The following RFTN1 variants were observed in gnomAD, a reference collection of about 807,000 sequenced individuals.
RFTN1 encodes the protein raftlin.
Under a neutral mutation model 46.5 loss-of-function variants are expected in RFTN1, and 26 were observed. That is an observed-to-expected ratio of 0.56 (90% CI 0.41 to 0.78). RFTN1 has a LOEUF of 0.78. Ranked by LOEUF, RFTN1 falls within the 30% of genes least tolerant of loss-of-function variation. RFTN1 has a pLI of 0.00. For missense variants in RFTN1, 693 were observed against 718.7 expected (o/e 0.96, Z 0.41); for synonymous variants, 261 against 284.2 (o/e 0.92, Z 0.82).
chr3:16,395,447 ATT>A (rs34892913), intron 4 of RFTN1, among the ~76,000 whole-genome samples: 8 of 148,672 alleles, frequency 5.4e-5, no homozygotes, highest in African/African-American at 9.9e-5. Flanking sequence ...AAGGAGCTGA[ATT>A]TTTTTTTTTT....
intron 6 of RFTN1, among the ~76,000 whole-genome samples, chr3:16,366,896 G>C (rs1340955307): frequency 6.6e-6 from 1 of 152,182 alleles, no homozygotes; most frequent in South Asian, 2.1e-4. Flanking sequence ...AAGACACCGG[G>C]TCATTCTAAG....
In RFTN1 at chr3:16,321,145, G is replaced by A. The variant is rs1011086756; in HGVS notation, c.1332+2231C>T. Among the ~76,000 whole-genome samples, 2 of 152,064 alleles carry A rather than the reference G, an allele frequency of 1.3e-5. No individual in the cohort carries two copies. The highest frequency in any genetic ancestry group is 2.4e-5 in the African/African-American group (1 of 41,384). On this transcript the variant is annotated intron_variant, in intron 9 of 9. Coordinates refer to ENST00000334133, the MANE Select transcript of RFTN1 (RefSeq NM_015150.2). The surrounding 1 kb of genome is among the most constrained non-coding windows in gnomAD (Gnocchi z 4.8). ...ATGCCATTCCTCTAGATAGGGTGGC[G>A]GTTGGCCAGGTGGGCGAGGTATGGG...
In RFTN1 at chr3:16,504,585, G is replaced by T. The variant is rs561757394; in HGVS notation, c.-9+8857C>A. 4.6e-5 allele frequency among the ~76,000 whole-genome samples: 7 copies of T among 152,100 alleles called. No homozygotes were observed. Among genetic ancestry groups the T allele is most frequent in the Non-Finnish European group, 1.0e-4 (7 of 68,040 alleles). On this transcript the variant is annotated intron_variant, in intron 1 of 9. Transcript: ENST00000334133. This position sits in a 1 kb window ranked among gnomAD's most constrained non-coding sequence, Gnocchi z 4.4. ...CTGTGCCTTTGCTGCAGTGCCTTGCGGTATCTTAGCACAGAATTTGGGAAC... is the reference window on the plus strand; with the variant it reads ...CTGTGCCTTTGCTGCAGTGCCTTGCTGTATCTTAGCACAGAATTTGGGAAC...
At chr3:16,419,672 T>C (rs534255730) in intron 3 of RFTN1, among the ~76,000 whole-genome samples, 9 of 152,164 alleles carry the variant, frequency 5.9e-5, no homozygotes, top group Non-Finnish European at 1.3e-4. Context: ...GTTTCCCCTA[T>C]AGCAAAACTG....
At chr3:16,478,864 A>T (rs1575349340) in intron 2 of RFTN1, among the ~76,000 whole-genome samples, 1 of 152,222 alleles carries the variant, frequency 6.6e-6, no homozygotes, top group African/African-American at 2.4e-5. Flanking sequence ...CACGGCAACC[A>T]GTTTCCTTCA....
At position 16,410,732 on chromosome 3, in the gene RFTN1, CAG is replaced by C. The variant is rs1461394597; in HGVS notation, c.333-1251_333-1250del. The stretch of plus-strand genomic sequence containing the variant: ...TAGCGCACCCTGCCATCTCTGCACA[CAG>C]GGGCTGCTTTCCAAAGCACCACCAC... On this transcript the variant is annotated intron_variant, in intron 3 of 9. Transcript: ENST00000334133. The surrounding 1 kb of genome is among the most constrained non-coding windows in gnomAD (Gnocchi z 4.6). 1.3e-5 allele frequency among the ~76,000 whole-genome samples: 2 copies of C among 152,178 alleles called. No individual in the cohort carries two copies. Among genetic ancestry groups the C allele is most frequent in the East Asian group, 1.9e-4 (1 of 5,192 alleles).
At position 16,499,397 on chromosome 3, in the gene RFTN1, G is replaced by A. The variant is rs957514404; in HGVS notation, c.-8-5520C>T. Among the ~76,000 whole-genome samples the A allele has an allele frequency of 2.1e-4, 32 of 152,196 alleles. 1 individual carries two copies. The highest frequency in any genetic ancestry group is 6.3e-4 in the African/African-American group (26 of 41,444). On this transcript the variant is annotated intron_variant, in intron 1 of 9. Transcript: ENST00000334133. The surrounding 1 kb of genome is among the most constrained non-coding windows in gnomAD (Gnocchi z 4.9). ...TCCCTGACTTTTGGGGTGCCTGCTC[G>A]TGGAATCCAGCCACCATGCCATGAG... is the stretch of plus-strand genomic sequence containing the variant.
chr3:16,501,331 C>A (rs772709653), intron 1 of RFTN1, among the ~76,000 whole-genome samples: 1 of 152,108 alleles, frequency 6.6e-6, no homozygotes, highest in Non-Finnish European at 1.5e-5. Context: ...ACTGGAAAAC[C>A]ACTTCAAAAG....
chr3:16,393,919 A>T (rs1179534562), intron 4 of RFTN1, among the ~76,000 whole-genome samples: 7 of 152,052 alleles, frequency 4.6e-5, no homozygotes, highest in Non-Finnish European at 1.0e-4. Context: ...TCGGCCTCCC[A>T]AAATGCTGGG....
Position 16,317,150 on chromosome 3 carries a change from T to A in RFTN1, c.1415A>T (p.Gln472Leu). 2 of 1,613,786 alleles carry A rather than the reference T, an allele frequency of 1.2e-6. No homozygotes were observed. Among genetic ancestry groups the A allele is most frequent in the Non-Finnish European group, 1.7e-6 (2 of 1,179,970 alleles). Residue 472 changes from glutamine to leucine, a missense_variant, in exon 10 of 10, where the codon CAA (glutamine) becomes CTA (leucine). By Grantham distance (113) the Gln-to-Leu change is moderately radical (BLOSUM62 -2). Coordinates refer to ENST00000334133, the MANE Select transcript of RFTN1 (RefSeq NM_015150.2). This position sits in a 1 kb window ranked among gnomAD's most constrained non-coding sequence, Gnocchi z 4.3. ...GTTCTTCTCATTTTCTTCTGCTTGTTGTTTGTCTCTGGCACTGAGTTTACC... is the reference window on the plus strand; with the variant it reads ...GTTCTTCTCATTTTCTTCTGCTTGTAGTTTGTCTCTGGCACTGAGTTTACC... ...SKGKLSARDK[Q>L]QAEENEKNLE...
At position 16,426,235 on chromosome 3, in the gene RFTN1, AG is replaced by A. The variant is rs1344236769; in HGVS notation, c.332+7615del. On this transcript the variant is annotated intron_variant, in intron 3 of 9. Coordinates refer to ENST00000334133, the MANE Select transcript of RFTN1 (RefSeq NM_015150.2). The surrounding 1 kb of genome is among the most constrained non-coding windows in gnomAD (Gnocchi z 5.9). ...TCGGCCTCGCGTGTGAACATTTTCT[AG>A]GGCACACCCCAGTAGGCGCTACCAC... Among the ~76,000 whole-genome samples the A allele has an allele frequency of 6.6e-6, 1 of 152,118 alleles. No homozygotes were observed. The highest frequency in any genetic ancestry group is 1.5e-5 in the Non-Finnish European group (1 of 68,014).
chr3:16,499,824 T>G lies in RFTN1; in HGVS notation c.-8-5947A>C, dbSNP rs977640665. On this transcript the variant is annotated intron_variant, in intron 1 of 9. Transcript: ENST00000334133. The surrounding 1 kb of genome is among the most constrained non-coding windows in gnomAD (Gnocchi z 4.9). ...TGGCACTGGCTGATTATGAATGAAG[T>G]GGCTATAAACATTTGTGTAGAGGTT... Among the ~76,000 whole-genome samples, 3 of 152,222 alleles carry G rather than the reference T, an allele frequency of 2.0e-5. No individual in the cohort carries two copies. The highest frequency in any genetic ancestry group is 4.4e-5 in the Non-Finnish European group (3 of 68,042).
chr3:16,497,280 G>A (rs192849019), intron 1 of RFTN1, among the ~76,000 whole-genome samples: 62 of 152,302 alleles, frequency 4.1e-4, no homozygotes, highest in African/African-American at 1.4e-3. Flanking sequence ...CAACAATAAC[G>A]TGAGGATGGA....
At position 16,400,541 on chromosome 3, in the gene RFTN1, C is replaced by A. The variant is rs734276; in HGVS notation, c.441+8834G>T. Among the ~76,000 whole-genome samples, 1 of 152,140 alleles carries A rather than the reference C, an allele frequency of 6.6e-6. No homozygotes were observed. Among genetic ancestry groups the A allele is most frequent in the Non-Finnish European group, 1.5e-5 (1 of 68,016 alleles). On this transcript the variant is annotated intron_variant, in intron 4 of 9. Transcript: ENST00000334133. This position sits in a 1 kb window ranked among gnomAD's most constrained non-coding sequence, Gnocchi z 4.5. ...CCTAGACCGGCTTACTAAAGTATTCCCAAACACTACCAGCAAAGATCTGTT... is the reference window on the plus strand; with the variant it reads ...CCTAGACCGGCTTACTAAAGTATTCACAAACACTACCAGCAAAGATCTGTT...
intron 7 of RFTN1, among the ~76,000 whole-genome samples, chr3:16,350,784 G>A (rs1373374710): frequency 6.6e-6 from 1 of 152,128 alleles, no homozygotes; most frequent in Non-Finnish European, 1.5e-5. Context: ...ACAGGAAAAA[G>A]GCAGAGAACT....
At chr3:16,486,085 C>G (rs1339434005) in intron 2 of RFTN1, among the ~76,000 whole-genome samples, 1 of 152,144 alleles carries the variant, frequency 6.6e-6, no homozygotes, top group Non-Finnish European at 1.5e-5. Context: ...GCCCAGCACA[C>G]CCACCTCCTC....
At chr3:16,434,770 T>C (rs1020798403) in intron 2 of RFTN1, 1 of 152,186 alleles carries the variant, frequency 6.6e-6, no homozygotes, top group Non-Finnish European at 1.5e-5. Context: ...AAAGACAAAC[T>C]GGAACAAAAT....
In RFTN1 at chr3:16,385,949, C is replaced by T. The variant is rs1364517774; in HGVS notation, c.442-7847G>A. ...AACTGGCAGGAGAATCTGCTGCCCCCTCCAAGGCTGCAAGACCCCCAGGCT... is the reference window on the plus strand; with the variant it reads ...AACTGGCAGGAGAATCTGCTGCCCCTTCCAAGGCTGCAAGACCCCCAGGCT... On this transcript the variant is annotated intron_variant, in intron 4 of 9. Transcript: ENST00000334133. This position sits in a 1 kb window ranked among gnomAD's most constrained non-coding sequence, Gnocchi z 5.0. Among the ~76,000 whole-genome samples the T allele has an allele frequency of 6.6e-6, 1 of 152,222 alleles. No homozygotes were observed. Among genetic ancestry groups the T allele is most frequent in the African/African-American group, 2.4e-5 (1 of 41,452 alleles).
rs34705903 is a variant in RFTN1 at position 16,426,660 on chromosome 3, CGTGTGTGTGTGTGTGTGTGTGTGTGT to C, written c.332+7165_332+7190del. Among the ~76,000 whole-genome samples the C allele has an allele frequency of 7.0e-6, 1 of 142,026 alleles. No homozygotes were observed. 93.2% of individuals were successfully genotyped at this position (142,026 alleles called of 152,430 possible). On this transcript the variant is annotated intron_variant, in intron 3 of 9. Coordinates refer to ENST00000334133, the MANE Select transcript of RFTN1 (RefSeq NM_015150.2). This position sits in a 1 kb window ranked among gnomAD's most constrained non-coding sequence, Gnocchi z 5.9. ...ACTGTTATTTTGGCAATGAAAGGATCGTGTGTGTGTGTGTGTGTGTGTGTGTGTGTGTGTGTGTCTGTTCCATTACT... is the reference window on the plus strand; with the variant it reads ...ACTGTTATTTTGGCAATGAAAGGATCGTGTGTGTGTGTCTGTTCCATTACT...
Sources: allele counts gnomAD v4.1 joint callset (sites outside exome capture counted in the v4.1 genomes callset), GRCh38; gene constraint gnomAD v4.1.1; non-coding constraint Gnocchi (gnomAD v3.1); transcripts MANE v1.5; gene names NCBI Gene and HGNC (gene_info 2026-07-23, HGNC 2026-07-21).